The following DLGAP1 variants were observed in gnomAD, a reference collection of about 807,000 sequenced individuals.
DLGAP1 encodes DLG associated protein 1, also known as disks large-associated protein 1.
Under a neutral mutation model 90.8 loss-of-function variants are expected in DLGAP1, and 11 were observed. The ratio of observed to expected loss-of-function variants is 0.12; its 90% CI spans 0.08 to 0.20. DLGAP1 has a LOEUF of 0.20. Among genes scored for constraint, DLGAP1 ranks in the 10% least tolerant of loss-of-function variants. DLGAP1 has a pLI of 1.00. For synonymous variants in DLGAP1, 558 were observed against 540.7 expected, an observed-to-expected ratio of 1.03 and a Z score of -0.44; for missense variants, 1,050 against 1,333.8, an observed-to-expected ratio of 0.79 and a Z score of 3.31.
At chr18:3,626,748 A>G (rs12954323) in intron 7 of DLGAP1, among the ~76,000 whole-genome samples, 57,931 of 151,778 alleles carry the variant, frequency 0.38, 11,860 homozygotes, top group East Asian at 0.53. Context: ...TCTACTAAAA[A>G]TATAAAAATT....
In DLGAP1 at chr18:4,123,827, G is replaced by A. The variant is rs553914498; in HGVS notation, c.-159+27353C>T. Among the ~76,000 whole-genome samples, 16 of 152,302 alleles carry A rather than the reference G, an allele frequency of 1.1e-4. No homozygotes were observed. The South Asian group carries it at 3.3e-3, about 32-fold the overall frequency. ...GCGGGTTTCTGGTAACAATGTGTGG[G>A]TTGGTTTTGCCCCTGGAGGGGTTAA... On this transcript the variant is annotated intron_variant, in intron 2 of 12. Coordinates refer to ENST00000315677, the MANE Select transcript of DLGAP1 (RefSeq NM_004746.4).
intron 2 of DLGAP1, among the ~76,000 whole-genome samples, chr18:4,098,152 G>A (rs931888121): frequency 2.0e-5 from 3 of 152,168 alleles, no homozygotes; most frequent in South Asian, 4.1e-4. Flanking sequence ...GGGCTCAAGT[G>A]ATCCTCCTGT....
intron 7 of DLGAP1, chr18:3,597,303 G>T (rs957860741): frequency 2.3e-5 from 11 of 475,092 alleles, no homozygotes; most frequent in Non-Finnish European, 4.5e-5. Flanking sequence ...ATCACATGAC[G>T]CAACAGGCTA....
At chr18:4,158,111 T>C (rs1425660449) in intron 1 of DLGAP1, among the ~76,000 whole-genome samples, 1 of 152,164 alleles carries the variant, frequency 6.6e-6, no homozygotes. Context: ...TATAAAGTTA[T>C]TTAAATCTTG....
rs747168691 is a variant in DLGAP1 at position 3,502,524 on chromosome 18, T to C, written c.2693A>G (p.Asn898Ser). 1 of 1,614,204 alleles carries C rather than the reference T, an allele frequency of 6.2e-7. No homozygotes were observed. Residue 898 changes from asparagine (N) to serine (S), a missense_variant, in exon 12 of 13, where the codon AAT becomes AGT. By Grantham distance (46) the Asn-to-Ser change is conservative. Transcript: ENST00000315677. ...GTCAAGAGGATCCATCTGTTTCCAA[T>C]TATTGGCCTTTAACTGATGAAGTTC... ...FDELHQLKAN[N>S]WKQMDPLDKK...
At chr18:3,625,649 A>C (rs1474363569) in intron 7 of DLGAP1, among the ~76,000 whole-genome samples, 1 of 152,184 alleles carries the variant, frequency 6.6e-6, no homozygotes, top group Non-Finnish European at 1.5e-5. Context: ...GACCTTCATG[A>C]TTGCAATCTA....
At chr18:3,640,611 AT>A (rs1193139973) in intron 7 of DLGAP1, among the ~76,000 whole-genome samples, 1 of 152,248 alleles carries the variant, frequency 6.6e-6, no homozygotes, top group Non-Finnish European at 1.5e-5. Context: ...CCCTGGGGTC[AT>A]CTAATCTGAT....
At chr18:3,694,551 T>C (rs2061018071) in intron 7 of DLGAP1, among the ~76,000 whole-genome samples, 1 of 152,224 alleles carries the variant, frequency 6.6e-6, no homozygotes, top group Non-Finnish European at 1.5e-5. Flanking sequence ...ATATGTTGTT[T>C]CCTGACTTTT....
rs867629674 is a variant in DLGAP1, at chr18:4,354,732, T to C, written c.-267+100274A>G. On this transcript the variant is annotated intron_variant, in intron 1 of 12. Transcript: ENST00000315677. ...GGTCAAGATGATCTCCACACATCCA[T>C]ATCTAAGGCACACAATACCCATCCT... 4.8e-4 allele frequency among the ~76,000 whole-genome samples: 73 copies of C among 151,882 alleles called. 1 individual carries two copies. The highest frequency in any genetic ancestry group is 1.6e-3 in the African/African-American group (68 of 41,430).
intron 2 of DLGAP1, among the ~76,000 whole-genome samples, chr18:4,097,331 T>C (rs1568394854): frequency 1.3e-5 from 2 of 152,238 alleles, no homozygotes; most frequent in Non-Finnish European, 2.9e-5. Flanking sequence ...ATCTTCCCCA[T>C]TTACATCTGT....
Position 3,814,089 on chromosome 18 carries a change from T to C in DLGAP1, c.1142A>G (p.Gln381Arg). The C allele has an allele frequency of 6.2e-7, 1 of 1,614,102 alleles. No homozygotes were observed. The highest frequency in any genetic ancestry group is 1.1e-5 in the South Asian group (1 of 91,086). ...ARRESYLKAT[Q>R]PSLTELTTLK... ...TGTGGTGAGTTCTGTAAGGGATGGC[T>C]GAGTAGCCTTGAGATAGCTTTCTCT... Residue 381 changes from glutamine to arginine, a missense_variant, in exon 5 of 13, where the codon CAG becomes CGG. This residue lies in a region of DLGAP1 where 565 missense variants were observed against 879.7 expected (regional missense o/e 0.64). Coordinates refer to ENST00000315677, the MANE Select transcript of DLGAP1 (RefSeq NM_004746.4).
At position 4,066,844 on chromosome 18, in the gene DLGAP1, T is replaced by C. The variant is rs564653438; in HGVS notation, c.-158-61643A>G. Among the ~76,000 whole-genome samples, 29 of 152,222 alleles carry C rather than the reference T, an allele frequency of 1.9e-4. No homozygotes were observed. In the East Asian group the frequency reaches 4.8e-3, roughly 25 times the overall value. Reference sequence around the variant, plus strand: ...TACTGGGTATATACTTAAAGGAATATAAATCATTCTACCAGAAAAACACAT... The same window carrying C: ...TACTGGGTATATACTTAAAGGAATACAAATCATTCTACCAGAAAAACACAT... On this transcript the variant is annotated intron_variant, in intron 2 of 12. Transcript: ENST00000315677.
intron 1 of DLGAP1, among the ~76,000 whole-genome samples, chr18:4,201,080 C>G (rs1298772709): frequency 1.3e-5 from 2 of 152,018 alleles, no homozygotes; most frequent in East Asian, 3.9e-4. Context: ...TTGCAAATAC[C>G]TTCTTCCATT....
intron 4 of DLGAP1, among the ~76,000 whole-genome samples, chr18:3,843,766 CAT>C (rs138002820): frequency 0.011 from 1,663 of 152,256 alleles, 27 homozygotes; most frequent in African/African-American, 0.036. Context: ...AAATAGGTAA[CAT>C]ATGTCTGTCT....
chr18:3,703,808 T>A (rs1218928507), intron 7 of DLGAP1, among the ~76,000 whole-genome samples: 1 of 152,196 alleles, frequency 6.6e-6, no homozygotes, highest in African/African-American at 2.4e-5. Flanking sequence ...CTTTCCCCTA[T>A]GAACACACCT....
chr18:4,388,310 C>T (rs934086615), intron 1 of DLGAP1, among the ~76,000 whole-genome samples: 7 of 151,858 alleles, frequency 4.6e-5, no homozygotes, highest in East Asian at 2.0e-4. Context: ...AAGAAGGAGA[C>T]GGTTTCGAAG....
At chr18:4,382,752 T>G (rs1214508264) in intron 1 of DLGAP1, among the ~76,000 whole-genome samples, 1 of 152,182 alleles carries the variant, frequency 6.6e-6, no homozygotes, top group East Asian at 1.9e-4. Context: ...TATTCTTTGT[T>G]TTATATTTCA....
At chr18:4,092,018 T>C (rs560271202) in intron 2 of DLGAP1, among the ~76,000 whole-genome samples, 1 of 152,300 alleles carries the variant, frequency 6.6e-6, no homozygotes, top group South Asian at 2.1e-4. Flanking sequence ...CTTCTTTTAG[T>C]AGGCCTACAG....
intron 1 of DLGAP1, among the ~76,000 whole-genome samples, chr18:4,396,548 G>C (rs2082446110): frequency 6.6e-6 from 1 of 152,164 alleles, no homozygotes; most frequent in African/African-American, 2.4e-5. Context: ...GTTTCCCGTA[G>C]ATAAACCATG....
Sources: gnomAD v4.1 joint callset for allele counts (sites outside exome capture counted in the v4.1 genomes callset) on GRCh38, gnomAD v4.1.1 for gene constraint, gnomAD v4.1.1 regional missense constraint, MANE v1.5 for transcripts, NCBI Gene and HGNC (gene_info 2026-07-23, HGNC 2026-07-21) for gene names.